SHISA9: variants seen among roughly 807,000 people sequenced by gnomAD.
The protein encoded by SHISA9 is shisa family member 9.
A neutral mutation model predicts 38.0 loss-of-function variants in SHISA9; 13 were observed. The ratio of observed to expected loss-of-function variants is 0.34; its 90% CI spans 0.22 to 0.54. The LOEUF (loss-of-function observed/expected upper bound fraction) is 0.54, where lower values mean the gene tolerates loss of function less well. SHISA9 is among the 20% of genes least tolerant of loss of function. The probability of loss-of-function intolerance (pLI) is 0.91; values close to 1 mark genes in which losing one functional copy is unlikely to be tolerated. For missense variants in SHISA9, 538 were observed against 575.8 expected (o/e 0.93, Z 0.67); for synonymous variants, 275 against 242.0 (o/e 1.14, Z -1.27).
At chr16:13,269,239 G>A in the SHISA9 span, among the ~76,000 whole-genome samples, 1 of 152,192 alleles carries the variant, frequency 6.6e-6, no homozygotes. Flanking sequence ...ATATAGCATG[G>A]TTTTGAAGGC....
intron 2 of SHISA9, among the ~76,000 whole-genome samples, chr16:12,996,654 G>T (rs1243560083): frequency 1.3e-5 from 2 of 152,088 alleles, no homozygotes; most frequent in East Asian, 3.9e-4. Flanking sequence ...TTTTAACCTG[G>T]GATCTATGGG....
chr16:12,907,411 CTTCT>C (rs1468731674), intron 1 of SHISA9, among the ~76,000 whole-genome samples: 1 of 150,318 alleles, frequency 6.7e-6, no homozygotes, highest in Non-Finnish European at 1.5e-5. Context: ...CCCTCCCTTT[CTTCT>C]TTCTTTCTTG....
chr16:13,392,564 C>T, the SHISA9 span, among the ~76,000 whole-genome samples: 1 of 152,138 alleles, frequency 6.6e-6, no homozygotes, highest in African/African-American at 2.4e-5. Context: ...CATTACAGAT[C>T]ACTTAGAGGT....
the SHISA9 span, among the ~76,000 whole-genome samples, chr16:13,308,389 CTCTGGTCTT>C: frequency 1.3e-5 from 2 of 152,140 alleles, no homozygotes; most frequent in African/African-American, 4.8e-5. Flanking sequence ...TGGTAGTGGC[CTCTGGTCTT>C]TCTCTGTCTC....
At chr16:13,197,561 T>G (rs1596722914) in intron 2 of SHISA9, 1 of 39,096 alleles carries the variant, frequency 2.6e-5, no homozygotes, top group Admixed American at 2.7e-4. Context: ...ATCTTAACCT[T>G]CTTTGAAGAC....
At chr16:13,105,710 G>A (rs2073919699) in intron 2 of SHISA9, among the ~76,000 whole-genome samples, 1 of 152,162 alleles carries the variant, frequency 6.6e-6, no homozygotes, top group South Asian at 2.1e-4. Context: ...TGCTGTCAGG[G>A]AGAATCAAGC....
rs568260455 is a variant in SHISA9, at chr16:13,101,167, A to G, written c.692-102227A>G. Among the ~76,000 whole-genome samples, 111 of 152,296 alleles carry G rather than the reference A, an allele frequency of 7.3e-4. 1 individual carries two copies. Among genetic ancestry groups the G allele is most frequent in the African/African-American group, 2.5e-3 (104 of 41,566 alleles). On this transcript the variant is annotated intron_variant, in intron 2 of 4. Coordinates refer to ENST00000558583, the MANE Select transcript of SHISA9 (RefSeq NM_001145204.3). The stretch of plus-strand genomic sequence containing the variant: ...ACCAGGTTTCACTTGTGCAAGATGA[A>G]TGAGCTCTGGAGATCTAATGTACAG...
intron 2 of SHISA9, among the ~76,000 whole-genome samples, chr16:13,198,930 A>G (rs1195193709): frequency 6.6e-6 from 1 of 152,194 alleles, no homozygotes. Context: ...ACTTATATTA[A>G]GTAACTACTC....
intron 2 of SHISA9, among the ~76,000 whole-genome samples, chr16:12,921,361 T>G (rs1209273318): frequency 6.6e-6 from 1 of 152,196 alleles, no homozygotes; most frequent in East Asian, 1.9e-4. Flanking sequence ...TGCGGCTTAG[T>G]TTCTGAGGAC....
At chr16:13,444,756 A>G in the SHISA9 span, among the ~76,000 whole-genome samples, 2 of 147,060 alleles carry the variant, frequency 1.4e-5, no homozygotes, top group African/African-American at 2.5e-5. Flanking sequence ...AGACTCCCAG[A>G]TCTGGAAAAA....
intron 2 of SHISA9, among the ~76,000 whole-genome samples, chr16:13,068,912 A>G (rs962590681): frequency 2.0e-5 from 3 of 151,832 alleles, no homozygotes; most frequent in Non-Finnish European, 4.4e-5. Flanking sequence ...GTATGTGTGT[A>G]TGTGTATACG....
the SHISA9 span, among the ~76,000 whole-genome samples, chr16:13,547,263 G>A: frequency 2.6e-5 from 4 of 152,174 alleles, no homozygotes; most frequent in Non-Finnish European, 5.9e-5. Context: ...GAAGATTGAA[G>A]ATAAAGATGT....
the SHISA9 span, among the ~76,000 whole-genome samples, chr16:13,486,179 A>G: frequency 6.6e-6 from 1 of 152,180 alleles, no homozygotes; most frequent in Non-Finnish European, 1.5e-5. Flanking sequence ...GGGATCTAGA[A>G]CTCAGAAAGA....
intron 1 of SHISA9, among the ~76,000 whole-genome samples, chr16:12,905,316 C>A (rs2071078420): frequency 6.6e-6 from 1 of 152,096 alleles, no homozygotes; most frequent in Non-Finnish European, 1.5e-5. Context: ...GTGTCTGGGA[C>A]AGATGTTTTC....
chr16:13,522,037 G>T, the SHISA9 span, among the ~76,000 whole-genome samples: 2 of 152,100 alleles, frequency 1.3e-5, no homozygotes, highest in East Asian at 1.9e-4. Flanking sequence ...CAACAGCAAC[G>T]AACTTGACAG....
intron 2 of SHISA9, among the ~76,000 whole-genome samples, chr16:13,187,328 C>CTTTTCTTTTCTTT (rs1450024008): frequency 2.6e-4 from 24 of 90,706 alleles, no homozygotes; most frequent in Non-Finnish European, 4.0e-4. Flanking sequence ...CTTTTCTTTT[C>CTTTTCTTTTCTTT]TTTTTTTTTT....
At chr16:13,093,652 T>C (rs2073797415) in intron 2 of SHISA9, among the ~76,000 whole-genome samples, 1 of 152,126 alleles carries the variant, frequency 6.6e-6, no homozygotes, top group Admixed American at 6.5e-5. Context: ...GTGCTGCAGT[T>C]CGGCCCTGGA....
At chr16:13,346,443 G>A in the SHISA9 span, among the ~76,000 whole-genome samples, 6 of 152,074 alleles carry the variant, frequency 3.9e-5, no homozygotes, top group Admixed American at 2.0e-4. Flanking sequence ...AGTGTCGACC[G>A]AAAACAGCCT....
chr16:13,086,840 CA>C (rs1281343122), intron 2 of SHISA9, among the ~76,000 whole-genome samples: 1 of 140,532 alleles, frequency 7.1e-6, no homozygotes, highest in Non-Finnish European at 1.5e-5. Flanking sequence ...AAATTTATTT[CA>C]TCTGTTTTCT....
Sources: gnomAD v4.1 joint callset for allele counts (sites outside exome capture counted in the v4.1 genomes callset) on GRCh38, gnomAD v4.1.1 for gene constraint, MANE v1.5 for transcripts, NCBI Gene and HGNC (gene_info 2026-07-23, HGNC 2026-07-21) for gene names.